The following OCRL variants were observed in gnomAD, a reference collection of about 807,000 sequenced individuals.
The protein encoded by OCRL is OCRL inositol polyphosphate-5-phosphatase, also known as inositol polyphosphate 5-phosphatase OCRL.
OCRL carries 8 observed loss-of-function variants against 78.9 expected under a neutral mutation model. The ratio of observed to expected loss-of-function variants is 0.10; its 90% CI spans 0.06 to 0.18. The LOEUF is 0.18. Ranked by LOEUF, OCRL falls within the 10% of genes least tolerant of loss-of-function variation. The pLI is 1.00. For synonymous variants in OCRL, 240 were observed against 235.4 expected (o/e 1.02, Z -0.18); for missense variants, 454 against 696.7 (o/e 0.65, Z 3.92).
chrX:129,548,718 C>T, intron 4 of OCRL, 117 bp downstream of exon 4: 1 of 608,581 alleles, frequency 1.6e-6, no homozygotes, highest in Non-Finnish European at 2.7e-6. Flanking sequence ...TTCCTGTAGT[C>T]TCCTGTAGCA....
intron 20 of OCRL, 63 bp downstream of exon 20, chrX:129,587,181 A>G (rs1936523065): frequency 1.4e-6 from 1 of 700,357 alleles, no homozygotes; most frequent in Non-Finnish European, 2.3e-6. Context: ...GGAAATCACA[A>G]CACCTCACGT....
intron 3 of OCRL, among the ~76,000 whole-genome samples, chrX:129,547,134 CAGG>C (rs1228252187): frequency 9.0e-6 from 1 of 111,234 alleles, no homozygotes; most frequent in African/African-American, 3.3e-5. Flanking sequence ...GAGGCTGAAG[CAGG>C]AGGGTTGCTT....
chrX:129,556,698 G>A (rs771503824), intron 4 of OCRL, among the ~76,000 whole-genome samples: 1 of 112,128 alleles, frequency 8.9e-6, no homozygotes, highest in Non-Finnish European at 1.9e-5. Context: ...GGCTGTACTT[G>A]AACCAAACCA....
intron 20 of OCRL, 115 bp from the exon 21 acceptor site, chrX:129,588,064 A>G: frequency 1.8e-6 from 1 of 565,241 alleles, no homozygotes; most frequent in Admixed American, 2.4e-5. Context: ...TGTAATTATT[A>G]ACACACATAC....
At chrX:129,568,141 C>T (rs1763081064) in intron 14 of OCRL, among the ~76,000 whole-genome samples, 1 of 109,758 alleles carries the variant, frequency 9.1e-6, no homozygotes, top group Non-Finnish European at 1.9e-5. Context: ...TGGTCTCGAT[C>T]TCCTGACCTC....
intron 18 of OCRL, among the ~76,000 whole-genome samples, chrX:129,579,276 T>G (rs1398603369): frequency 9.0e-6 from 1 of 111,678 alleles, no homozygotes; most frequent in African/African-American, 3.3e-5. Flanking sequence ...ACCTTCTCAC[T>G]CTGTTGTGAC....
intron 19 of OCRL, among the ~76,000 whole-genome samples, chrX:129,585,542 G>A (rs188308991): frequency 9.0e-4 from 101 of 112,302 alleles, no homozygotes; most frequent in African/African-American, 3.1e-3. Flanking sequence ...GTGCATGATG[G>A]ACAGTGTTTT....
intron 15 of OCRL, among the ~76,000 whole-genome samples, chrX:129,574,939 A>T (rs1936349444): frequency 8.9e-6 from 1 of 112,377 alleles, no homozygotes; most frequent in African/African-American, 3.2e-5. Context: ...TTGAGAACAC[A>T]TAAAACTAAA....
chrX:129,545,846 C>G (rs897940346), intron 3 of OCRL, among the ~76,000 whole-genome samples: 6 of 111,329 alleles, frequency 5.4e-5, no homozygotes, highest in Non-Finnish European at 1.1e-4. Context: ...TCCCAAGTAG[C>G]TGGGACTGCA....
At chrX:129,590,124 T>G in intron 23 of OCRL, 22 bp from the exon 24 acceptor site, 1 of 1,211,792 alleles carries the variant, frequency 8.3e-7, no homozygotes, top group East Asian at 3.0e-5. Flanking sequence ...AAGTTTCCGC[T>G]TGTCTTTCTC....
intron 18 of OCRL, among the ~76,000 whole-genome samples, chrX:129,580,720 G>A (rs1012057379): frequency 3.6e-5 from 4 of 112,192 alleles, no homozygotes; most frequent in East Asian, 2.8e-4. Context: ...TAATTTGTCC[G>A]TAGTGTTTTT....
intron 12 of OCRL, 152 bp downstream of exon 12, chrX:129,562,938 C>A (rs932505360): frequency 6.7e-5 from 34 of 504,652 alleles, no homozygotes; most frequent in Non-Finnish European, 1.1e-4. Context: ...TGAGTAATAA[C>A]AGAATCATTG....
chrX:129,547,403 T>C (rs1235830668), intron 3 of OCRL, among the ~76,000 whole-genome samples: 1 of 107,811 alleles, frequency 9.3e-6, no homozygotes, highest in Non-Finnish European at 1.9e-5. Context: ...CGGGTGCCTG[T>C]AGTCCCAACT....
At chrX:129,545,306 T>A (rs1360099421) in intron 3 of OCRL, among the ~76,000 whole-genome samples, 1 of 112,439 alleles carries the variant, frequency 8.9e-6, no homozygotes, top group Non-Finnish European at 1.9e-5. Flanking sequence ...GTGTAGGTAG[T>A]TTTTTATGCT....
At chrX:129,564,912 G>A (rs889430890) in intron 12 of OCRL, among the ~76,000 whole-genome samples, 2 of 111,176 alleles carry the variant, frequency 1.8e-5, no homozygotes, top group African/African-American at 6.5e-5. Flanking sequence ...AGAGTCATTG[G>A]GGAAAGAGGA....
chrX:129,589,708 G>A, intron 22 of OCRL, 137 bp from the exon 23 acceptor site: 1 of 508,437 alleles, frequency 2.0e-6, no homozygotes, highest in South Asian at 2.6e-5. Flanking sequence ...TGGCCATGAG[G>A]AGATAATAGA....
At chrX:129,571,621 C>T (rs1204209444) in intron 15 of OCRL, among the ~76,000 whole-genome samples, 1 of 110,467 alleles carries the variant, frequency 9.1e-6, no homozygotes, top group Non-Finnish European at 1.9e-5. Flanking sequence ...CATGAGCCAC[C>T]GCTCGCAGCC....
At chrX:129,553,884 G>A (rs779377054) in intron 4 of OCRL, among the ~76,000 whole-genome samples, 2 of 111,059 alleles carry the variant, frequency 1.8e-5, no homozygotes, top group Non-Finnish European at 3.8e-5. Flanking sequence ...AATCAGGAAT[G>A]TATAATGATA....
At chrX:129,564,789 T>C (rs971721267) in intron 12 of OCRL, among the ~76,000 whole-genome samples, 1 of 110,294 alleles carries the variant, frequency 9.1e-6, no homozygotes, top group South Asian at 4.0e-4. Flanking sequence ...AGTTAATGGG[T>C]GCAGCACACC....
Sources: gnomAD v4.1 joint callset for allele counts (sites outside exome capture counted in the v4.1 genomes callset) on GRCh38, gnomAD v4.1.1 for gene constraint, MANE v1.5 for transcripts, NCBI Gene and HGNC (gene_info 2026-07-23, HGNC 2026-07-21) for gene names.